RHOT2: variants seen among roughly 807,000 people sequenced by gnomAD.
The protein encoded by RHOT2 is mitochondrial Rho GTPase 2.
Under a neutral mutation model 81.6 loss-of-function variants are expected in RHOT2, and 90 were observed. The ratio of observed to expected loss-of-function variants is 1.10; its 90% CI spans 0.93 to 1.31. The LOEUF (loss-of-function observed/expected upper bound fraction) is 1.31, where lower values mean the gene tolerates loss of function less well. Among genes scored for constraint, RHOT2 ranks in the 40% most tolerant of loss-of-function variants. The pLI is 0.00. For missense variants in RHOT2, 1,014 were observed against 841.9 expected (o/e 1.20, Z -2.53); for synonymous variants, 512 against 370.9 (o/e 1.38, Z -4.37).
In RHOT2 at chr16:669,621, C is replaced by T. The variant is rs376648501; in HGVS notation, c.276+15C>T. The T allele has an allele frequency of 6.2e-7, 1 of 1,610,446 alleles. No individual in the cohort carries two copies. Among genetic ancestry groups the T allele is most frequent in the Admixed American group, 1.7e-5 (1 of 60,010 alleles). On this transcript the variant is annotated intron_variant, in intron 5 of 18. Coordinates refer to ENST00000315082, the MANE Select transcript of RHOT2 (RefSeq NM_138769.3). ...CCATTGAGAAGGTGAGCCCTCAGTG[C>T]AGACCCCAACAGCAGAGACACAGTG... is the stretch of plus-strand genomic sequence containing the variant.
In RHOT2 at chr16:670,705, C is replaced by T. The variant is rs765642386; in HGVS notation, c.571C>T (p.Arg191Cys). Residue 191 changes from arginine to cysteine, a missense_variant, in exon 9 of 19, where the codon CGC becomes TGC. Arg to Cys is a radical substitution (Grantham distance 180, BLOSUM62 -3). Transcript: ENST00000315082. ...LRPACAQALT[R>C]IFRLSDQDLD... ...GCCCGCGTGCGCCCAGGCGCTGACG[C>T]GCATCTTCAGGCTCTCAGATCAGGA... 15 of 1,612,306 alleles carry T rather than the reference C, an allele frequency of 9.3e-6. No individual in the cohort carries two copies. The highest frequency in any genetic ancestry group is 1.6e-4 in the Middle Eastern group (1 of 6,082).
intron 11 of RHOT2, chr16:671,420 G>GGGGGGGGC: frequency 1.9e-6 from 1 of 520,644 alleles, no homozygotes; most frequent in Non-Finnish European, 3.4e-6. Context: ...GGGTGGGGGG[G>GGGGGGGGC]CTGGCCCTTT....
rs533093582 is a variant in RHOT2, at chr16:669,828, C to G, written c.276+222C>G. On this transcript the variant is annotated intron_variant, in intron 5 of 18. Coordinates refer to ENST00000315082, the MANE Select transcript of RHOT2 (RefSeq NM_138769.3). ...CTGAGCCATTGAGGCCGGCAGTCCT[C>G]TTTCTTCCCCAGTTTCCAAACCCCC... The G allele has an allele frequency of 6.4e-6, 4 of 620,640 alleles. No homozygotes were observed. In the Admixed American group the frequency reaches 1.1e-4, roughly 17 times the overall value. The allele number at this position is 620,640 out of a possible 1,614,324, so 38.4% of individuals were successfully genotyped here.
At position 672,017 on chromosome 16, in the gene RHOT2, C is replaced by T; in HGVS notation, c.1097+15C>T. On this transcript the variant is annotated intron_variant, in intron 13 of 18. Transcript: ENST00000315082. The stretch of plus-strand genomic sequence containing the variant: ...TGCCAGTGGACGTAAGTGCGGCCCA[C>T]ACCATGCCCGCCTGCCGCACCACCC... 1.2e-6 allele frequency: 2 copies of T among 1,611,718 alleles called. No homozygotes were observed. The highest frequency in any genetic ancestry group is 1.7e-6 in the Non-Finnish European group (2 of 1,179,510).
chr16:671,847 C>T lies in RHOT2; in HGVS notation c.955-13C>T, dbSNP rs778634997. On this transcript the variant is annotated splice_polypyrimidine_tract_variant and intron_variant, in intron 12 of 18. Transcript: ENST00000315082. ...TCCCCGGCACACACATCACCACATC[C>T]CTCCTTCTGCAGGACCGCGACGGCG... 4.3e-5 allele frequency: 70 copies of T among 1,610,246 alleles called. No homozygotes were observed. In the East Asian group the frequency reaches 6.7e-4, roughly 15 times the overall value.
Position 670,981 on chromosome 16 carries a change from G to C in RHOT2, c.729G>C (p.Glu243Asp), listed in dbSNP as rs1367847418. The C allele has an allele frequency of 1.3e-6, 2 of 1,575,868 alleles. No individual in the cohort carries two copies. Among genetic ancestry groups the C allele is most frequent in the Non-Finnish European group, 1.7e-6 (2 of 1,160,506 alleles). Residue 243 changes from glutamate to aspartate, a missense_variant, in exon 10 of 19, where the codon GAG (glutamate) becomes GAC (aspartate). Transcript: ENST00000315082. ...VCRNVAGGVR[E>D]DRLTLDGFLF... ...GGAACGTGGCGGGCGGCGTGCGGGA[G>C]GACCGGCTGACCCTGGATGGTGAGG...
At chr16:671,648 G>C in intron 11 of RHOT2, 49 bp from the exon 12 acceptor site, 1 of 1,569,462 alleles carries the variant, frequency 6.4e-7, no homozygotes, top group Non-Finnish European at 8.7e-7. Flanking sequence ...GGCTGAGCGT[G>C]GTGCTGCAGA....
chr16:668,401 T>G lies in RHOT2; in HGVS notation c.86T>G (p.Phe29Cys), dbSNP rs781545421. ...SLILSLVGEEFPEEVPPRAEE... is the reference protein window; with the variant it reads ...SLILSLVGEECPEEVPPRAEE... ...ATCCTGTCCCTGGTGGGCGAGGAGT[T>G]CCCCGAGGAGGTAAGGGGCACGCCC... is the stretch of plus-strand genomic sequence containing the variant. The change falls in exon 2 of 19, where the codon TTC (phenylalanine) becomes TGC (cysteine). Residue 29 changes from phenylalanine to cysteine, a missense_variant. By Grantham distance (205) the Phe-to-Cys change is radical. Transcript: ENST00000315082. 6.7e-7 allele frequency: 1 copy of G among 1,484,142 alleles called. No homozygotes were observed. Among genetic ancestry groups the G allele is most frequent in the Admixed American group, 2.4e-5 (1 of 42,210 alleles). 91.9% of individuals were successfully genotyped at this position (1,484,142 alleles called of 1,614,324 possible). A position where few individuals can be genotyped will look rare whatever the true frequency, so the allele number is the denominator to read the frequency against.
rs747955365 is a variant in RHOT2 at position 671,854 on chromosome 16, C to G, written c.955-6C>G. The G allele has an allele frequency of 2.8e-5, 42 of 1,516,098 alleles. No individual in the cohort carries two copies. Among genetic ancestry groups the G allele is most frequent in the Non-Finnish European group, 3.5e-5 (39 of 1,111,168 alleles). The allele number at this position is 1,516,098 out of a possible 1,614,324, so 93.9% of individuals were successfully genotyped here. The stretch of plus-strand genomic sequence containing the variant: ...CACACACATCACCACATCCCTCCTT[C>G]TGCAGGACCGCGACGGCGCCCTCTC... On this transcript the variant is annotated splice_region_variant and splice_polypyrimidine_tract_variant and intron_variant, in intron 12 of 18. Transcript: ENST00000315082.
chr16:670,801 C>T lies in RHOT2; in HGVS notation c.639+28C>T, dbSNP rs371761661. 5 of 1,609,346 alleles carry T rather than the reference C, an allele frequency of 3.1e-6. No homozygotes were observed. The African/African-American group carries it at 5.3e-5, about 17-fold the overall frequency. Reference sequence around the variant, plus strand: ...GTGCCCCTGCCCCACCCTCGGTGCCCAGCCCCCTTGAACCTCCGCTGCCGT... The same window carrying T: ...GTGCCCCTGCCCCACCCTCGGTGCCTAGCCCCCTTGAACCTCCGCTGCCGT... On this transcript the variant is annotated intron_variant, in intron 9 of 18. Coordinates refer to ENST00000315082, the MANE Select transcript of RHOT2 (RefSeq NM_138769.3).
At position 671,732 on chromosome 16, in the gene RHOT2, A is replaced by T. The variant is rs1312657341; in HGVS notation, c.905A>T (p.Asn302Ile). 2 of 1,612,368 alleles carry T rather than the reference A, an allele frequency of 1.2e-6. No homozygotes were observed. The highest frequency in any genetic ancestry group is 2.7e-5 in the African/African-American group (2 of 74,886). Reference protein sequence around the residue: ...HVPPGCSTELNHLGYQFVQRV... With the variant: ...HVPPGCSTELIHLGYQFVQRV... ...CCCCCCGGCTGCAGCACGGAGCTCA[A>T]CCACCTTGGCTACCAGTTTGTGCAG... Residue 302 changes from asparagine (N) to isoleucine (I), a missense_variant, in exon 12 of 19, where the codon AAC becomes ATC. Physicochemically the swap from Asn to Ile is moderately radical, Grantham distance 149 (BLOSUM62 -3). Transcript: ENST00000315082.
Position 671,899 on chromosome 16 carries a change from CT to C in RHOT2, c.998del (p.Phe333SerfsTer36). 1 of 1,611,900 alleles carries C rather than the reference CT, an allele frequency of 6.2e-7. No homozygotes were observed. ...GALSPVELQS[L>X]FSVFPAAPWG... ...CCTCTCGCCCGTGGAGCTGCAAAGC[CT>C]TTTCAGTGTGTTCCCAGCAGCGCCC... On this transcript the variant is annotated frameshift_variant, in exon 13 of 19. Coordinates refer to ENST00000315082, the MANE Select transcript of RHOT2 (RefSeq NM_138769.3). LOFTEE classifies it high-confidence loss of function.
chr16:671,803 T>TGGCCCAG, intron 12 of RHOT2, 22 bp downstream of exon 12: 3 of 1,308,196 alleles, frequency 2.3e-6, no homozygotes, highest in African/African-American at 1.4e-5. Context: ...GCGAGTCCCC[T>TGGCCCAG]GCCCCTGCCC....
intron 18 of RHOT2, 87 bp downstream of exon 18, chr16:673,217 G>A: frequency 7.0e-7 from 1 of 1,425,158 alleles, no homozygotes; most frequent in African/African-American, 1.4e-5. Flanking sequence ...TGGAACTGGG[G>A]ACTAGCAGTG....
rs111414602 is a variant in RHOT2, at chr16:671,788, G to A, written c.954+7G>A. 8 of 1,609,858 alleles carry A rather than the reference G, an allele frequency of 5.0e-6. No homozygotes were observed. The highest frequency in any genetic ancestry group is 1.3e-5 in the African/African-American group (1 of 74,634). On this transcript the variant is annotated splice_region_variant and intron_variant, in intron 12 of 18. Coordinates refer to ENST00000315082, the MANE Select transcript of RHOT2 (RefSeq NM_138769.3). ...GTTTGAGAAGCACGACCAGGTGAGAGCATGGCGAGTCCCCTGCCCCTGCCC... is the reference window on the plus strand; with the variant it reads ...GTTTGAGAAGCACGACCAGGTGAGAACATGGCGAGTCCCCTGCCCCTGCCC...
chr16:668,878 C>T lies in RHOT2; in HGVS notation c.222+179C>T, dbSNP rs557393117. 37 of 614,816 alleles carry T rather than the reference C, an allele frequency of 6.0e-5. No individual in the cohort carries two copies. The South Asian group carries it at 6.8e-4, about 11-fold the overall frequency. The allele number at this position is 614,816 out of a possible 1,614,324, so 38.1% of individuals were successfully genotyped here. The stretch of plus-strand genomic sequence containing the variant: ...CACCCCGCTGGGAGCCGGCACCGCT[C>T]AGTCCAGTGGTGCTCCAGGGATAAC... On this transcript the variant is annotated intron_variant, in intron 4 of 18. Coordinates refer to ENST00000315082, the MANE Select transcript of RHOT2 (RefSeq NM_138769.3).
In RHOT2 at chr16:670,198, G is replaced by A. The variant is rs748061009; in HGVS notation, c.329+23G>A. The A allele has an allele frequency of 6.8e-5, 110 of 1,611,060 alleles. 2 individuals carry two copies. In the South Asian group the frequency reaches 1.2e-3, roughly 18 times the overall value. ...CAGGTAATGAGGGGATGTGGAAGGG[G>A]CTGGGACCCCTGGCTCCCCTGCCCC... On this transcript the variant is annotated intron_variant, in intron 6 of 18. Transcript: ENST00000315082.
rs906775245 is a variant in RHOT2 at position 670,226 on chromosome 16, G to C, written c.330-23G>C. 7 of 1,611,788 alleles carry C rather than the reference G, an allele frequency of 4.3e-6. No individual in the cohort carries two copies. In the African/African-American group the frequency reaches 8.0e-5, roughly 18 times the overall value. ...GGGACCCCTGGCTCCCCTGCCCCTG[G>C]TGACCATGGGCCTTCAACCCAGGGT... On this transcript the variant is annotated intron_variant, in intron 6 of 18. Coordinates refer to ENST00000315082, the MANE Select transcript of RHOT2 (RefSeq NM_138769.3).
chr16:673,704 TC>T lies in RHOT2; in HGVS notation c.*100del. 6.9e-7 allele frequency: 1 copy of T among 1,450,660 alleles called. No individual in the cohort carries two copies. The highest frequency in any genetic ancestry group is 9.3e-7 in the Non-Finnish European group (1 of 1,074,274). 89.9% of individuals were successfully genotyped at this position (1,450,660 alleles called of 1,614,324 possible). On this transcript the variant is annotated 3_prime_UTR_variant, in exon 19 of 19. Coordinates refer to ENST00000315082, the MANE Select transcript of RHOT2 (RefSeq NM_138769.3). ...GCTGGGGTGCAGGCCAGGCTGCCAC[TC>T]CGGGAACGCCTTTGCGCCGGGACTT...
Sources: gnomAD v4.1 joint callset for allele counts on GRCh38, gnomAD v4.1.1 for gene constraint, MANE v1.5 for transcripts, NCBI Gene and HGNC (gene_info 2026-07-23, HGNC 2026-07-21) for gene names.